Variants in MPHOSPH9 observed in about 807,000 individuals in gnomAD.
The protein encoded by MPHOSPH9 is M-phase phosphoprotein 9.
MPHOSPH9 carries 88 observed loss-of-function variants against 145.5 expected under a neutral mutation model. That is an observed-to-expected ratio of 0.60 (90% CI 0.51 to 0.72). The LOEUF is 0.72. Among genes scored for constraint, MPHOSPH9 ranks in the 30% least tolerant of loss-of-function variants. MPHOSPH9 has a pLI of 0.00. For missense variants in MPHOSPH9, 1,238 were observed against 1,386.6 expected (o/e 0.89, Z 1.70); for synonymous variants, 435 against 486.2 (o/e 0.89, Z 1.39).
chr12:123,179,629 C>A (rs1372723372), intron 15 of MPHOSPH9, among the ~76,000 whole-genome samples: 1 of 150,910 alleles, frequency 6.6e-6, no homozygotes, highest in East Asian at 1.9e-4. Flanking sequence ...CCTGTAGTCC[C>A]AACTATTCAG....
chr12:123,179,113 G>A (rs1716164), intron 15 of MPHOSPH9, among the ~76,000 whole-genome samples: 97,739 of 152,082 alleles, frequency 0.64, 35,887 homozygotes, highest in East Asian at 1. Flanking sequence ...ACAACCATCA[G>A]TACATTTTAA....
In MPHOSPH9 at chr12:123,203,344, G is replaced by A; in HGVS notation, c.1226C>T (p.Ser409Leu). Residue 409 changes from serine to leucine, a missense_variant, in exon 9 of 24, where the codon TCA becomes TTA. Coordinates refer to ENST00000606320, the MANE Select transcript of MPHOSPH9 (RefSeq NM_022782.4). ...TTTTTTATAATAAATATCCTTCAGT[G>A]ACGGTAGCTTCATCTCATTACTAGT... ...SNTSNEMKLP[S>L]LKDIYYKKQR... 2 of 1,609,606 alleles carry A rather than the reference G, an allele frequency of 1.2e-6. No individual in the cohort carries two copies. The highest frequency in any genetic ancestry group is 8.5e-7 in the Non-Finnish European group (1 of 1,176,076).
chr12:123,181,432 T>G (rs1352376214), intron 13 of MPHOSPH9, among the ~76,000 whole-genome samples: 2 of 152,052 alleles, frequency 1.3e-5, no homozygotes, highest in Non-Finnish European at 2.9e-5. Context: ...TAAAGCTGGA[T>G]GCGGTGGCTC....
chr12:123,212,174 T>C (rs991623471), intron 7 of MPHOSPH9, among the ~76,000 whole-genome samples: 1 of 151,736 alleles, frequency 6.6e-6, no homozygotes, highest in Non-Finnish European at 1.5e-5. Flanking sequence ...ATAAAGGGGA[T>C]ATGTAGTGGG....
rs1413366908 is a variant in MPHOSPH9 at position 123,203,867 on chromosome 12, T to TG, written c.1195-493dup. 5.9e-5 allele frequency among the ~76,000 whole-genome samples: 9 copies of TG among 152,146 alleles called. No individual in the cohort carries two copies. In the East Asian group the frequency reaches 1.7e-3, roughly 29 times the overall value. The stretch of plus-strand genomic sequence containing the variant: ...CCCAGCTAATTTTTCTATTTTTTTT[T>TG]GTAGAGACAGGGTCTCACCATGTTG... On this transcript the variant is annotated intron_variant, in intron 8 of 23. Transcript: ENST00000606320.
Position 123,203,064 on chromosome 12 carries a change from C to T in MPHOSPH9, c.1341G>A (p.Thr447=), listed in dbSNP as rs548689565. ...HPPEVLTLDP[T]LHMKPKQQIS... Reference sequence around the variant, plus strand: ...TCTGCTGCTTTGGCTTCATGTGTAACGTAGGATCTAGAGTCAGGACCTGGA... The same window carrying T: ...TCTGCTGCTTTGGCTTCATGTGTAATGTAGGATCTAGAGTCAGGACCTGGA... The change falls in exon 10 of 24, where the codon ACG becomes ACA. Residue 447 remains threonine, a synonymous_variant. Transcript: ENST00000606320. 1.1e-5 allele frequency: 18 copies of T among 1,613,440 alleles called. No homozygotes were observed. Among genetic ancestry groups the T allele is most frequent in the South Asian group, 9.9e-5 (9 of 90,926 alleles).
chr12:123,193,234 AAGTC>A (rs1463470623), intron 13 of MPHOSPH9, among the ~76,000 whole-genome samples: 15 of 151,390 alleles, frequency 9.9e-5, no homozygotes, highest in African/African-American at 3.4e-4. Context: ...GCATGGGAGA[AAGTC>A]AGTATGTCTG....
At chr12:123,173,252 C>G (rs1326240897) in intron 16 of MPHOSPH9, among the ~76,000 whole-genome samples, 1 of 152,144 alleles carries the variant, frequency 6.6e-6, no homozygotes, top group Non-Finnish European at 1.5e-5. Context: ...GCATTAGCCT[C>G]CAGCTTGCAA....
rs1298908083 is a variant in MPHOSPH9, at chr12:123,176,732, G to T, written c.2412C>A (p.Ser804Arg). 1.2e-6 allele frequency: 2 copies of T among 1,613,904 alleles called. No homozygotes were observed. Among genetic ancestry groups the T allele is most frequent in the Non-Finnish European group, 8.5e-7 (1 of 1,179,954 alleles). Reference sequence around the variant, plus strand: ...CGTGAATTCTAGAATTATGACGAAGGCTTAACATATTTTCATGTTCTACTT... The same window carrying T: ...CGTGAATTCTAGAATTATGACGAAGTCTTAACATATTTTCATGTTCTACTT... ...VKQVEHENML[S>R]LRHNSRIHVR... The change falls in exon 16 of 24, where the codon AGC becomes AGA. Residue 804 changes from serine (S) to arginine (R), a missense_variant. Transcript: ENST00000606320.
chr12:123,212,766 CTTTTTTTT>C (rs769159602), intron 7 of MPHOSPH9, among the ~76,000 whole-genome samples: 1 of 93,906 alleles, frequency 1.1e-5, no homozygotes, highest in African/African-American at 3.8e-5. Flanking sequence ...CAATGGTCGA[CTTTTTTTT>C]TTTTTTTTTT....
At chr12:123,152,345 T>C (rs1003898718), downstream of MPHOSPH9, 2 of 312,840 alleles carry the variant, frequency 6.4e-6, no homozygotes, top group Non-Finnish European at 1.3e-5. Flanking sequence ...AAGTATTTAT[T>C]GAGTGCCTGT....
At chr12:123,162,312 C>A in intron 20 of MPHOSPH9, 94 bp from the exon 21 acceptor site, 1 of 529,646 alleles carries the variant, frequency 1.9e-6, no homozygotes, top group South Asian at 5.1e-5. Context: ...AGCTAACTCA[C>A]ATATTTATGT....
At position 123,221,889 on chromosome 12, in the gene MPHOSPH9, G is replaced by A. The variant is rs1326846854; in HGVS notation, c.355C>T (p.Gln119Ter). The part of the protein sequence containing the change: ...EQFHNQIQHI[Q>*]EEIKNLVKLQ... ...TTGACTAAATTTTTTATCTCCTCCT[G>A]TATATGCTGGAAATAAAAAGTTATA... Residue 119 changes from glutamine (Q) to a stop codon, truncating the protein, a stop_gained, in exon 5 of 24, where the codon CAG (glutamine) becomes TAG (stop). Coordinates refer to ENST00000606320, the MANE Select transcript of MPHOSPH9 (RefSeq NM_022782.4). LOFTEE classifies it high-confidence loss of function. 6.6e-7 allele frequency: 1 copy of A among 1,519,362 alleles called. No individual in the cohort carries two copies. The highest frequency in any genetic ancestry group is 2.3e-5 in the East Asian group (1 of 43,526). 94.1% of individuals were successfully genotyped at this position (1,519,362 alleles called of 1,614,324 possible).
At chr12:123,178,310 T>G (rs1390044806) in intron 15 of MPHOSPH9, among the ~76,000 whole-genome samples, 1 of 152,226 alleles carries the variant, frequency 6.6e-6, no homozygotes, top group Non-Finnish European at 1.5e-5. Flanking sequence ...CTAACAAGAC[T>G]GATGTTTTAT....
chr12:123,185,926 T>C (rs1716157), intron 13 of MPHOSPH9, among the ~76,000 whole-genome samples: 98,232 of 151,944 alleles, frequency 0.65, 36,286 homozygotes, highest in East Asian at 1. Flanking sequence ...GAAAAGTACA[T>C]TGAGATTACA....
At chr12:123,169,658 T>C (rs2044488330) in intron 16 of MPHOSPH9, among the ~76,000 whole-genome samples, 1 of 151,830 alleles carries the variant, frequency 6.6e-6, no homozygotes, top group Admixed American at 6.6e-5. Context: ...TGGAGTGCAG[T>C]GGCGTGATCT....
chr12:123,169,671 G>C (rs1672931750), intron 16 of MPHOSPH9, among the ~76,000 whole-genome samples: 1 of 151,418 alleles, frequency 6.6e-6, no homozygotes, highest in African/African-American at 2.4e-5. Context: ...CGTGATCTCA[G>C]CTCACTGCAA....
chr12:123,202,491 T>G, intron 10 of MPHOSPH9, 133 bp downstream of exon 10: 1 of 1,206,548 alleles, frequency 8.3e-7, no homozygotes, highest in Non-Finnish European at 1.1e-6. Flanking sequence ...AGTGAAAAAG[T>G]TTTTATATGC....
upstream of MPHOSPH9, chr12:123,233,796 C>T (rs1313887620): frequency 6.5e-6 from 1 of 152,672 alleles, no homozygotes; most frequent in African/African-American, 2.4e-5. Context: ...AGAGGAGAGA[C>T]TACCGTCCTG....
Sources: gnomAD v4.1 joint callset for allele counts (sites outside exome capture counted in the v4.1 genomes callset) on GRCh38, gnomAD v4.1.1 for gene constraint, MANE v1.5 for transcripts, NCBI Gene and HGNC (gene_info 2026-07-23, HGNC 2026-07-21) for gene names.